Variants in CTNNA3 observed in about 807,000 individuals in gnomAD.
CTNNA3 encodes catenin alpha 3.
Under a neutral mutation model 95.7 loss-of-function variants are expected in CTNNA3, and 76 were observed. That is an observed-to-expected ratio of 0.79 (90% CI 0.66 to 0.96). The LOEUF (loss-of-function observed/expected upper bound fraction) is 0.96. CTNNA3 is among the 40% of genes least tolerant of loss of function. CTNNA3 has a pLI of 0.00. For synonymous variants in CTNNA3, 431 were observed against 374.4 expected, an observed-to-expected ratio of 1.15 and a Z score of -1.74; for missense variants, 1,191 against 1,089.8, an observed-to-expected ratio of 1.09 and a Z score of -1.31.
At chr10:67,251,646 G>C (rs1050251689) in intron 5 of CTNNA3, among the ~76,000 whole-genome samples, 4 of 152,146 alleles carry the variant, frequency 2.6e-5, no homozygotes, top group African/African-American at 9.7e-5. Flanking sequence ...AGGAAGTCAA[G>C]ATCAAGGGAC....
At chr10:66,690,196 A>G (rs1847466412) in intron 9 of CTNNA3, among the ~76,000 whole-genome samples, 1 of 152,144 alleles carries the variant, frequency 6.6e-6, no homozygotes, top group Admixed American at 6.5e-5. Context: ...AAGGTTCATC[A>G]ATGGTGGCTC....
chr10:66,043,998 G>GTGTGTT (rs2079765436), intron 15 of CTNNA3, among the ~76,000 whole-genome samples: 2 of 150,496 alleles, frequency 1.3e-5, no homozygotes, highest in African/African-American at 4.9e-5. Context: ...GTGTGTGTTT[G>GTGTGTT]TGTGTGTCTG....
intron 15 of CTNNA3, among the ~76,000 whole-genome samples, chr10:66,033,487 T>A (rs965749627): frequency 3.3e-5 from 5 of 151,894 alleles, no homozygotes; most frequent in African/African-American, 1.2e-4. Flanking sequence ...TGCATATAAG[T>A]CTTCTAAATC....
chr10:67,109,158 G>T (rs1858795110), intron 7 of CTNNA3, among the ~76,000 whole-genome samples: 1 of 152,100 alleles, frequency 6.6e-6, no homozygotes. Flanking sequence ...ATCACCTACA[G>T]GTTATGGCAT....
chr10:67,630,719 A>T (rs1839117891), intron 2 of CTNNA3, among the ~76,000 whole-genome samples: 1 of 152,196 alleles, frequency 6.6e-6, no homozygotes, highest in Non-Finnish European at 1.5e-5. Context: ...AATAATGTTT[A>T]TTACTGTTCT....
At chr10:67,280,334 G>A (rs773248395) in intron 5 of CTNNA3, among the ~76,000 whole-genome samples, 1 of 150,254 alleles carries the variant, frequency 6.7e-6, no homozygotes, top group Non-Finnish European at 1.5e-5. Context: ...TGTCTCTAAA[G>A]CTCATTCAAA....
At chr10:66,063,750 G>T (rs1003674728) in intron 15 of CTNNA3, among the ~76,000 whole-genome samples, 1 of 151,290 alleles carries the variant, frequency 6.6e-6, no homozygotes, top group Admixed American at 6.6e-5. Flanking sequence ...CATTAATTTT[G>T]TCTACTGATA....
chr10:66,390,366 G>A (rs2921933), intron 11 of CTNNA3, among the ~76,000 whole-genome samples: 30,215 of 151,910 alleles, frequency 0.2, 3,661 homozygotes, highest in African/African-American at 0.35. Context: ...TTCCTCCCCT[G>A]ATATCTACAT....
Position 66,311,877 on chromosome 10 carries a change from T to C in CTNNA3, c.1733-31256A>G, listed in dbSNP as rs1199757532. On this transcript the variant is annotated intron_variant, in intron 12 of 17. Transcript: ENST00000433211. Reference sequence around the variant, plus strand: ...TCCTATCTCCTGACCCTTACGTAGATGATAAGACTTTTTAAAAGCCATGTT... The same window carrying C: ...TCCTATCTCCTGACCCTTACGTAGACGATAAGACTTTTTAAAAGCCATGTT... Among the ~76,000 whole-genome samples, 3 of 152,328 alleles carry C rather than the reference T, an allele frequency of 2.0e-5. 1 individual carries two copies. Among genetic ancestry groups the C allele is most frequent in the South Asian group, 4.1e-4 (2 of 4,824 alleles).
chr10:65,983,694 G>T (rs144618665), intron 16 of CTNNA3, among the ~76,000 whole-genome samples: 193 of 151,480 alleles, frequency 1.3e-3, no homozygotes, highest in East Asian at 9.3e-3. Flanking sequence ...GCATACTTAA[G>T]CCTTTTTTGA....
intron 15 of CTNNA3, among the ~76,000 whole-genome samples, chr10:66,012,342 G>A (rs1239049423): frequency 3.9e-5 from 6 of 152,114 alleles, no homozygotes; most frequent in Non-Finnish European, 7.4e-5. Flanking sequence ...AATAATGTCT[G>A]AATCAAGCTT....
At chr10:66,424,124 T>C (rs1014202684) in intron 11 of CTNNA3, among the ~76,000 whole-genome samples, 1 of 152,126 alleles carries the variant, frequency 6.6e-6, no homozygotes, top group South Asian at 2.1e-4. Context: ...TTTCACAGTA[T>C]TCTCAAATTC....
At chr10:67,606,759 A>T in intron 3 of CTNNA3, 98 bp downstream of exon 3, 1 of 973,754 alleles carries the variant, frequency 1.0e-6, no homozygotes, top group Non-Finnish European at 1.5e-6. Flanking sequence ...AGACTAAAAA[A>T]CTGGAGCCAA....
At chr10:67,093,394 C>T (rs1857776991) in intron 7 of CTNNA3, among the ~76,000 whole-genome samples, 1 of 151,700 alleles carries the variant, frequency 6.6e-6, no homozygotes, top group African/African-American at 2.4e-5. Context: ...GTTGAACACC[C>T]TAATCTCAGG....
intron 2 of CTNNA3, among the ~76,000 whole-genome samples, chr10:67,620,950 T>TATATATATAC (rs1491566283): frequency 1.4e-5 from 2 of 144,296 alleles, no homozygotes; most frequent in Admixed American, 1.4e-4. Context: ...TATATATATA[T>TATATATATAC]ACAGAAATGT....
At chr10:66,798,085 T>A (rs58501474) in intron 7 of CTNNA3, among the ~76,000 whole-genome samples, 279 of 151,948 alleles carry the variant, frequency 1.8e-3, no homozygotes, top group African/African-American at 6.4e-3. Context: ...GCTATCCACT[T>A]ACAGGTTGGA....
chr10:66,905,102 CAA>C (rs1403943998), intron 7 of CTNNA3, among the ~76,000 whole-genome samples: 1 of 152,144 alleles, frequency 6.6e-6, no homozygotes, highest in African/African-American at 2.4e-5. Flanking sequence ...TTCTCAATAG[CAA>C]AGACTTGGAA....
At chr10:66,508,727 T>C (rs1840551614) in intron 11 of CTNNA3, among the ~76,000 whole-genome samples, 1 of 152,204 alleles carries the variant, frequency 6.6e-6, no homozygotes, top group Non-Finnish European at 1.5e-5. Flanking sequence ...AATTATCCTT[T>C]ATGGCTGACT....
At chr10:67,599,460 G>A (rs1212646943) in intron 3 of CTNNA3, among the ~76,000 whole-genome samples, 4 of 152,038 alleles carry the variant, frequency 2.6e-5, no homozygotes, top group Non-Finnish European at 5.9e-5. Flanking sequence ...AGGGTGTAAT[G>A]CAACTATCAT....
Sources: allele counts gnomAD v4.1 joint callset (sites outside exome capture counted in the v4.1 genomes callset), GRCh38; gene constraint gnomAD v4.1.1; transcripts MANE v1.5; gene names NCBI Gene and HGNC (gene_info 2026-07-23, HGNC 2026-07-21).